The following ATP13A4 variants were observed in gnomAD, a reference collection of about 807,000 sequenced individuals.
ATP13A4 encodes the protein probable cation-transporting ATPase 13A4.
A neutral mutation model predicts 142.5 loss-of-function variants in ATP13A4; 114 were observed. The observed-to-expected ratio is 0.80, with a 90% confidence interval of 0.69 to 0.93. ATP13A4 has a LOEUF of 0.93. Among genes scored for constraint, ATP13A4 ranks in the 40% least tolerant of loss-of-function variants. ATP13A4 has a pLI of 0.00. For synonymous variants in ATP13A4, 488 were observed against 514.8 expected (o/e 0.95, Z 0.70); for missense variants, 1,392 against 1,454.0 (o/e 0.96, Z 0.69).
chr3:193,416,148 C>T (rs556545447), intron 25 of ATP13A4, among the ~76,000 whole-genome samples: 103 of 152,200 alleles, frequency 6.8e-4, no homozygotes, highest in African/African-American at 2.3e-3. Flanking sequence ...GGGACATATG[C>T]GATCTCACAT....
intron 10 of ATP13A4, among the ~76,000 whole-genome samples, chr3:193,466,908 G>T (rs1179571204): frequency 6.6e-6 from 1 of 152,056 alleles, no homozygotes; most frequent in African/African-American, 2.4e-5. Flanking sequence ...TTTTGTACCT[G>T]TAGGTAAGAC....
intron 1 of ATP13A4, among the ~76,000 whole-genome samples, chr3:193,538,497 TA>T (rs376175094): frequency 0.02 from 2,504 of 122,166 alleles, 42 homozygotes; most frequent in African/African-American, 0.053. Flanking sequence ...GAATCCACAT[TA>T]AAAAAAAAAA....
intron 25 of ATP13A4, chr3:193,418,965 C>T (rs1715266762): frequency 6.6e-6 from 1 of 150,470 alleles, no homozygotes; most frequent in Non-Finnish European, 1.5e-5. Flanking sequence ...GCAGCTATTC[C>T]ATTTACCCCT....
intron 22 of ATP13A4, 40 bp downstream of exon 22, chr3:193,438,983 G>T: frequency 6.4e-7 from 1 of 1,564,912 alleles, no homozygotes; most frequent in Non-Finnish European, 8.8e-7. Context: ...AAGTGTAATC[G>T]AATGTGAGAT....
At chr3:193,507,741 GT>G (rs1396981777) in intron 2 of ATP13A4, among the ~76,000 whole-genome samples, 9 of 152,124 alleles carry the variant, frequency 5.9e-5, no homozygotes, top group Middle Eastern at 3.2e-3. Flanking sequence ...GAGATATAGT[GT>G]GTAGTAAAAA....
At chr3:193,403,685 T>G in intron 29 of ATP13A4, 1 of 874,356 alleles carries the variant, frequency 1.1e-6, no homozygotes, top group Non-Finnish European at 1.4e-6. Flanking sequence ...TGAGTTAGAG[T>G]GAGCCTTGAA....
At chr3:193,555,388 A>T (rs1413778502), upstream of ATP13A4, among the ~76,000 whole-genome samples, 1 of 152,204 alleles carries the variant, frequency 6.6e-6, no homozygotes, top group Admixed American at 6.5e-5. Context: ...TCCTCTTCAA[A>T]AGGTATTTGT....
rs146441264 is a variant in ATP13A4, at chr3:193,566,786, T to G, written n.291+14921A>C. Among the ~76,000 whole-genome samples, 1,094 of 152,348 alleles carry G rather than the reference T, an allele frequency of 7.2e-3. 7 individuals carry two copies. The highest frequency in any genetic ancestry group is 0.012 in the Non-Finnish European group (840 of 68,036). On this transcript the variant is annotated intron_variant and non_coding_transcript_variant, in intron 2 of 3. Coordinates refer to the ATP13A4 transcript ENST00000489140. ...ATGTCACCCACAAAGCCTAATGTTG[T>G]GGTTAACAATATTTTCAGTTACTAC...
chr3:193,409,413 G>A (rs1029353661), intron 28 of ATP13A4, among the ~76,000 whole-genome samples: 1 of 152,168 alleles, frequency 6.6e-6, no homozygotes, highest in African/African-American at 2.4e-5. Context: ...ATCCTTTGCA[G>A]TCATGCTGGC....
chr3:193,549,771 G>C (rs1723442296), intron 1 of ATP13A4, among the ~76,000 whole-genome samples: 1 of 152,150 alleles, frequency 6.6e-6, no homozygotes, highest in African/African-American at 2.4e-5. Context: ...GGTTGAGGGT[G>C]CGGTGAGCTA....
chr3:193,496,352 T>C (rs1243800427), intron 3 of ATP13A4, among the ~76,000 whole-genome samples: 7 of 152,164 alleles, frequency 4.6e-5, no homozygotes, highest in African/African-American at 9.7e-5. Context: ...TAAAACAGCA[T>C]GGTGCTGGCA....
chr3:193,578,331 CTAT>C (rs1239052530), intron 2 of ATP13A4, among the ~76,000 whole-genome samples: 1 of 146,850 alleles, frequency 6.8e-6, no homozygotes, highest in Non-Finnish European at 1.5e-5. Context: ...ATATCTATAT[CTAT>C]ATCTATATCT....
intron 11 of ATP13A4, 23 bp from the exon 12 acceptor site, chr3:193,465,151 T>C (rs774611396): frequency 1.2e-6 from 2 of 1,611,306 alleles, no homozygotes; most frequent in South Asian, 2.2e-5. Flanking sequence ...CATTCTTTAA[T>C]TATTACAGAC....
chr3:193,582,085 A>C (rs1471656964), intron 1 of ATP13A4, among the ~76,000 whole-genome samples: 4 of 21,468 alleles, frequency 1.9e-4, no homozygotes, highest in African/African-American at 9.6e-4. Flanking sequence ...AAAGACTTCC[A>C]TATATATATA....
intron 23 of ATP13A4, among the ~76,000 whole-genome samples, chr3:193,436,016 G>A (rs1475968345): frequency 1.3e-5 from 2 of 152,172 alleles, no homozygotes; most frequent in Non-Finnish European, 2.9e-5. Context: ...CTTTCAGCAG[G>A]CATTGTTTTA....
intron 2 of ATP13A4, among the ~76,000 whole-genome samples, chr3:193,581,418 C>T (rs187673096): frequency 2.0e-4 from 31 of 152,270 alleles, no homozygotes; most frequent in Non-Finnish European, 2.9e-5. Flanking sequence ...TCAAGCTATA[C>T]CAGCAACATG....
At chr3:193,420,045 G>A (rs767856353) in intron 25 of ATP13A4, among the ~76,000 whole-genome samples, 1 of 149,834 alleles carries the variant, frequency 6.7e-6, no homozygotes, top group Non-Finnish European at 1.5e-5. Context: ...AATTGCAGCT[G>A]TACCCTGCTC....
chr3:193,523,855 G>A (rs1047485686), intron 1 of ATP13A4, among the ~76,000 whole-genome samples: 9 of 152,138 alleles, frequency 5.9e-5, no homozygotes, highest in African/African-American at 1.2e-4. Flanking sequence ...GATCCATTAC[G>A]AATAGATGAA....
chr3:193,423,089 T>C (rs1202357235), intron 25 of ATP13A4, among the ~76,000 whole-genome samples: 1 of 149,836 alleles, frequency 6.7e-6, no homozygotes, highest in Non-Finnish European at 1.5e-5. Context: ...TGAACAACTG[T>C]ATGCCAACAA....
Sources: allele counts gnomAD v4.1 joint callset (sites outside exome capture counted in the v4.1 genomes callset), GRCh38; gene constraint gnomAD v4.1.1; transcripts MANE v1.5; gene names NCBI Gene and HGNC (gene_info 2026-07-23, HGNC 2026-07-21).